ZNF573: variants seen among roughly 807,000 people sequenced by gnomAD.
ZNF573 encodes zinc finger protein 573.
ZNF573 carries 41 observed loss-of-function variants against 57.4 expected under a neutral mutation model. The observed-to-expected ratio is 0.71, with a 90% CI of 0.56 to 0.93. The LOEUF is 0.93. Ranked by LOEUF, ZNF573 falls within the 40% of genes least tolerant of loss-of-function variation. The pLI, the probability that ZNF573 is intolerant of heterozygous loss-of-function variation, is 0.00. For missense variants in ZNF573, 730 were observed against 794.8 expected, an observed-to-expected ratio of 0.92 and a Z score of 0.98; for synonymous variants, 249 against 261.0, an observed-to-expected ratio of 0.95 and a Z score of 0.44.
chr19:37,753,556 A>G (rs2045459275), intron 4 of ZNF573, among the ~76,000 whole-genome samples: 1 of 152,128 alleles, frequency 6.6e-6, no homozygotes, highest in South Asian at 2.1e-4. Flanking sequence ...ATGGTATTCA[A>G]AATAAAAACA....
chr19:37,745,406 TG>T (rs1416260654), intron 4 of ZNF573, among the ~76,000 whole-genome samples: 1 of 143,908 alleles, frequency 6.9e-6, no homozygotes, highest in Non-Finnish European at 1.5e-5. Context: ...TTTTGGGGGG[TG>T]GGGGTGGTAG....
intron 4 of ZNF573, among the ~76,000 whole-genome samples, chr19:37,751,780 G>A (rs958981591): frequency 1.1e-4 from 10 of 88,092 alleles, no homozygotes; most frequent in African/African-American, 2.0e-4. Context: ...ACATAGTACC[G>A]TATATATACT....
intron 3 of ZNF573, among the ~76,000 whole-genome samples, chr19:37,770,832 T>TTTTATATATATATATATATA (rs1555745090): frequency 2.1e-5 from 2 of 93,736 alleles, no homozygotes; most frequent in South Asian, 3.3e-4. Flanking sequence ...TTAAGTTATT[T>TTTTATATATATATATATATA]TATATATATA....
chr19:37,776,542 C>A (rs1271500537), intron 1 of ZNF573, among the ~76,000 whole-genome samples: 1 of 152,144 alleles, frequency 6.6e-6, no homozygotes, highest in Non-Finnish European at 1.5e-5. Context: ...TAGAAGATAA[C>A]ATTGGAAAAA....
chr19:37,758,305 TAA>T (rs779955283), intron 4 of ZNF573, among the ~76,000 whole-genome samples: 1 of 87,748 alleles, frequency 1.1e-5, no homozygotes, highest in East Asian at 3.2e-4. Flanking sequence ...GCACGTTTTT[TAA>T]AAAAAAAAAG....
chr19:37,750,259 T>G (rs2045420962), intron 4 of ZNF573, among the ~76,000 whole-genome samples: 1 of 152,060 alleles, frequency 6.6e-6, no homozygotes, highest in Admixed American at 6.6e-5. Flanking sequence ...ATTTTTCTAC[T>G]TTTAGTAGAG....
chr19:37,769,727 G>GAAAA (rs397944905), intron 4 of ZNF573, among the ~76,000 whole-genome samples: 5 of 55,188 alleles, frequency 9.1e-5, no homozygotes, highest in Admixed American at 2.2e-4. Context: ...CTCTGTCTCG[G>GAAAA]AAAAAAAAAA....
chr19:37,738,729 A>G lies in ZNF573; in HGVS notation c.1761T>C (p.Cys587=), dbSNP rs1294185206. The G allele has an allele frequency of 1.2e-6, 2 of 1,613,342 alleles. No individual in the cohort carries two copies. The highest frequency in any genetic ancestry group is 1.7e-6 in the Non-Finnish European group (2 of 1,179,870). The change falls in exon 5 of 5, where the codon TGT becomes TGC. Residue 587 remains cysteine (C), a synonymous_variant. Coordinates refer to ENST00000536220, the MANE Select transcript of ZNF573 (RefSeq NM_001172690.2). The part of the protein sequence containing the change: ...ADKKPYECKE[C]GKAFKMYGYL... ...AGCCATACATTTTAAAGGCCTTTCC[A>G]CATTCTTTACATTCATAGGGTTTTT...
chr19:37,745,393 T>A (rs2045372063), intron 4 of ZNF573, among the ~76,000 whole-genome samples: 1 of 150,588 alleles, frequency 6.6e-6, no homozygotes, highest in African/African-American at 2.4e-5. Context: ...AAGACTTTAA[T>A]TTTTTTGGGG....
At chr19:37,772,816 T>G (rs2145333831) in intron 2 of ZNF573, 1 of 253,612 alleles carries the variant, frequency 3.9e-6, no homozygotes, top group Non-Finnish European at 6.2e-6. Flanking sequence ...GTACTTTTTT[T>G]GTAGAGATGG....
chr19:37,771,723 T>C (rs766358910), intron 2 of ZNF573, 27 bp from the exon 3 acceptor site: 1 of 1,580,244 alleles, frequency 6.3e-7, no homozygotes, highest in Non-Finnish European at 8.5e-7. Context: ...TACAAAATTT[T>C]AAAAACATTT....
At chr19:37,765,041 A>G (rs1219870418) in intron 4 of ZNF573, among the ~76,000 whole-genome samples, 2 of 151,376 alleles carry the variant, frequency 1.3e-5, no homozygotes, top group African/African-American at 4.9e-5. Context: ...CAGTAGCTGG[A>G]ATTACAGGTA....
chr19:37,741,326 C>T (rs1457173030), intron 4 of ZNF573, among the ~76,000 whole-genome samples: 5 of 152,032 alleles, frequency 3.3e-5, no homozygotes, highest in Non-Finnish European at 2.9e-5. Context: ...GTACAATAGC[C>T]CAATCATAGT....
At chr19:37,759,562 C>T (rs952615598) in intron 4 of ZNF573, among the ~76,000 whole-genome samples, 1 of 151,886 alleles carries the variant, frequency 6.6e-6, no homozygotes, top group Non-Finnish European at 1.5e-5. Flanking sequence ...CCTGTTTCTA[C>T]TAAAAATACA....
At chr19:37,746,927 C>A (rs185236470) in intron 4 of ZNF573, among the ~76,000 whole-genome samples, 1 of 152,282 alleles carries the variant, frequency 6.6e-6, no homozygotes, top group African/African-American at 2.4e-5. Flanking sequence ...AGGAATCACA[C>A]TCCTGGGAGA....
intron 1 of ZNF573, among the ~76,000 whole-genome samples, chr19:37,776,080 AT>A (rs1174379988): frequency 6.6e-6 from 1 of 152,196 alleles, no homozygotes; most frequent in African/African-American, 2.4e-5. Context: ...TATAAATTCA[AT>A]GCAATTTCCA....
intron 2 of ZNF573, 124 bp from the exon 3 acceptor site, chr19:37,771,820 A>C (rs2045661962): frequency 1.1e-6 from 1 of 934,084 alleles, no homozygotes; most frequent in Non-Finnish European, 1.5e-6. Flanking sequence ...TAGCAGACTA[A>C]AGCAACGTGT....
rs1223000902 is a variant in ZNF573, at chr19:37,739,459, T to C, written c.1031A>G (p.Tyr344Cys). 9 of 1,614,030 alleles carry C rather than the reference T, an allele frequency of 5.6e-6. No homozygotes were observed. Among genetic ancestry groups the C allele is most frequent in the East Asian group, 2.2e-5 (1 of 44,892 alleles). ...ECGKGYTTAS[Y>C]FLLHQRIHKG... The stretch of plus-strand genomic sequence containing the variant: ...ATGAATTCTCTGATGTAGAAGAAAG[T>C]ATGAGGCAGTGGTATAGCCCTTCCC... The change falls in exon 5 of 5, where the codon TAC (tyrosine) becomes TGC (cysteine). Residue 344 changes from tyrosine (Y) to cysteine (C), a missense_variant. Tyr to Cys is a radical substitution (Grantham distance 194). Transcript: ENST00000536220.
intron 4 of ZNF573, among the ~76,000 whole-genome samples, chr19:37,751,107 A>G (rs1487552771): frequency 6.9e-6 from 1 of 144,886 alleles, no homozygotes; most frequent in Non-Finnish European, 1.5e-5. Flanking sequence ...GACAGCATAT[A>G]TACTGTGTAT....
Sources: gnomAD v4.1 joint callset for allele counts (sites outside exome capture counted in the v4.1 genomes callset) on GRCh38, gnomAD v4.1.1 for gene constraint, MANE v1.5 for transcripts, NCBI Gene and HGNC (gene_info 2026-07-23, HGNC 2026-07-21) for gene names.